Variants in DOCK2 observed in about 807,000 individuals in gnomAD.
DOCK2 encodes dedicator of cytokinesis 2, also known as dedicator of cytokinesis protein 2.
DOCK2 carries 87 observed loss-of-function variants against 248.9 expected under a neutral mutation model. The observed-to-expected ratio is 0.35, with a 90% CI of 0.29 to 0.42. The LOEUF is 0.42. Among genes scored for constraint, DOCK2 ranks in the 10% least tolerant of loss-of-function variants. The pLI, the probability that DOCK2 is intolerant of heterozygous loss-of-function variation, is 1.00. For missense variants in DOCK2, 1,747 were observed against 2,300.2 expected, an observed-to-expected ratio of 0.76 and a Z score of 4.92; for synonymous variants, 805 against 821.6, an observed-to-expected ratio of 0.98 and a Z score of 0.35.
At chr5:169,971,980 CA>C (rs1475412878) in intron 27 of DOCK2, among the ~76,000 whole-genome samples, 29 of 152,046 alleles carry the variant, frequency 1.9e-4, no homozygotes, top group African/African-American at 6.0e-4. Context: ...TTGCCCATGG[CA>C]GACATCACTA....
chr5:169,923,960 C>T (rs770142156), intron 27 of DOCK2, among the ~76,000 whole-genome samples: 36 of 152,164 alleles, frequency 2.4e-4, no homozygotes, highest in African/African-American at 5.8e-4. Flanking sequence ...AGAAACATTG[C>T]GGTTGGCAAA....
intron 27 of DOCK2, among the ~76,000 whole-genome samples, chr5:169,848,076 A>G (rs1019151130): frequency 6.6e-6 from 1 of 152,044 alleles, no homozygotes; most frequent in African/African-American, 2.4e-5. Flanking sequence ...AATTTAAGAT[A>G]CTCCATGATT....
intron 27 of DOCK2, chr5:169,883,629 C>T (rs1042332901): frequency 3.9e-6 from 6 of 1,551,454 alleles, no homozygotes; most frequent in Non-Finnish European, 5.2e-6. Flanking sequence ...TGCGAAAGCC[C>T]CCTGCCTTCT....
intron 26 of DOCK2, among the ~76,000 whole-genome samples, chr5:169,820,109 A>G (rs1768333812): frequency 6.6e-6 from 1 of 152,208 alleles, no homozygotes; most frequent in East Asian, 1.9e-4. Flanking sequence ...GAGTAGGTAA[A>G]CAAAGCAGCC....
intron 30 of DOCK2, among the ~76,000 whole-genome samples, chr5:170,002,344 G>A (rs747264196): frequency 2.1e-4 from 32 of 152,078 alleles, no homozygotes; most frequent in South Asian, 1.2e-3. Flanking sequence ...AGAGAATGAA[G>A]CAGATCTGTA....
intron 30 of DOCK2, among the ~76,000 whole-genome samples, chr5:169,999,510 A>T (rs866772290): frequency 2.6e-5 from 4 of 152,220 alleles, no homozygotes; most frequent in Non-Finnish European, 5.9e-5. Context: ...AGTCCTTGAT[A>T]AACAGGACAG....
intron 1 of DOCK2, among the ~76,000 whole-genome samples, chr5:169,646,146 G>A (rs945195866): frequency 6.6e-6 from 1 of 152,156 alleles, no homozygotes; most frequent in African/African-American, 2.4e-5. Flanking sequence ...TCCAGTTTCA[G>A]TTTTCCACAT....
At chr5:169,830,172 G>A (rs556571577) in intron 26 of DOCK2, among the ~76,000 whole-genome samples, 1 of 152,330 alleles carries the variant, frequency 6.6e-6, no homozygotes, top group African/African-American at 2.4e-5. Flanking sequence ...CTCTGGACAA[G>A]TTGCATAAAG....
rs115906125 is a variant in DOCK2 at position 169,905,905 on chromosome 5, C to A, written c.2799+65053C>A. Among the ~76,000 whole-genome samples, 612 of 152,312 alleles carry A rather than the reference C, an allele frequency of 4.0e-3. 3 individuals are homozygous for A. The highest frequency in any genetic ancestry group is 0.017 in the South Asian group (80 of 4,824). ...ATTCATTCACAGTCAAGCTGATTTC[C>A]TAAAAACAGCTGTCTTGAACCTGAC... On this transcript the variant is annotated intron_variant, in intron 27 of 51. Transcript: ENST00000520908.
Position 170,077,746 on chromosome 5 carries a change from T to A in DOCK2, c.4903T>A (p.Ser1635Thr). ...FDDRRVGRPR[S>T]MLRSYRQMSI... ...CGACAGGAGAGTGGGCCGTCCCAGG[T>A]CTATGCTGCGCTCATACAGACAGAT... The change falls in exon 48 of 52, where the codon TCT becomes ACT. Residue 1635 changes from serine (S) to threonine (T), a missense_variant. This residue lies in a region of DOCK2 where 513 missense variants were observed against 586.1 expected (regional missense o/e 0.88). Coordinates refer to ENST00000520908, the MANE Select transcript of DOCK2 (RefSeq NM_004946.3). The A allele has an allele frequency of 6.2e-7, 1 of 1,613,868 alleles. No individual in the cohort carries two copies. Among genetic ancestry groups the A allele is most frequent in the Non-Finnish European group, 8.5e-7 (1 of 1,179,948 alleles).
intron 27 of DOCK2, among the ~76,000 whole-genome samples, chr5:169,964,381 G>A (rs1187441115): frequency 2.0e-5 from 3 of 152,190 alleles, no homozygotes; most frequent in Non-Finnish European, 4.4e-5. Context: ...TCATTGGGAA[G>A]ACTGGCATCA....
At chr5:169,774,604 G>T (rs566701809) in intron 25 of DOCK2, among the ~76,000 whole-genome samples, 2 of 152,318 alleles carry the variant, frequency 1.3e-5, no homozygotes, top group Admixed American at 6.5e-5. Flanking sequence ...GAGAAGAAAA[G>T]ATTTACCCAA....
At chr5:169,736,083 C>A (rs1301557642) in intron 22 of DOCK2, among the ~76,000 whole-genome samples, 1 of 152,120 alleles carries the variant, frequency 6.6e-6, no homozygotes, top group Non-Finnish European at 1.5e-5. Flanking sequence ...GGAATCTGCC[C>A]CCATGATCCA....
chr5:170,057,061 G>T (rs1177226582), intron 43 of DOCK2: 3 of 409,004 alleles, frequency 7.3e-6, no homozygotes, highest in African/African-American at 6.1e-5. Flanking sequence ...CTAAGAAGGG[G>T]TGTTGATAAA....
chr5:169,661,392 C>G (rs999843709), intron 2 of DOCK2, among the ~76,000 whole-genome samples: 1 of 152,144 alleles, frequency 6.6e-6, no homozygotes, highest in Non-Finnish European at 1.5e-5. Flanking sequence ...AAGATAGTTA[C>G]GATAGTGAAA....
chr5:169,866,929 G>A (rs1308793297), intron 27 of DOCK2, among the ~76,000 whole-genome samples: 1 of 152,188 alleles, frequency 6.6e-6, no homozygotes, highest in Non-Finnish European at 1.5e-5. Context: ...CCCAGAGATA[G>A]CATCAGATTC....
In DOCK2 at chr5:169,695,894, C is replaced by A. The variant is rs758571784; in HGVS notation, c.935C>A (p.Ala312Glu). 2.5e-5 allele frequency: 40 copies of A among 1,613,686 alleles called. No individual in the cohort carries two copies. The highest frequency in any genetic ancestry group is 4.0e-5 in the African/African-American group (3 of 74,864). Residue 312 changes from alanine (A) to glutamate (E), a missense_variant, in exon 10 of 52, where the codon GCA (alanine) becomes GAA (glutamate). Ala to Glu is a moderately radical substitution (Grantham distance 107). Around this residue, in one of 4 missense-constraint regions of DOCK2, gnomAD observed 375 missense variants for 510.9 expected, o/e 0.73. Transcript: ENST00000520908. ...VGKMDLKDTG[A>E]KKCTQGLRRP... ...AAGATGGATCTTAAGGATACTGGTG[C>A]AAAGAAGTGCACGCAGGGACTGAGG... is the stretch of plus-strand genomic sequence containing the variant.
At chr5:169,664,393 C>T (rs540725753) in intron 2 of DOCK2, among the ~76,000 whole-genome samples, 1 of 152,348 alleles carries the variant, frequency 6.6e-6, no homozygotes, top group East Asian at 1.9e-4. Flanking sequence ...TTAAACTGTT[C>T]CAACCTCTGC....
chr5:169,650,443 A>C (rs1310252337), intron 1 of DOCK2, among the ~76,000 whole-genome samples: 3 of 152,186 alleles, frequency 2.0e-5, no homozygotes, highest in African/African-American at 7.2e-5. Context: ...TTATCTCCTA[A>C]AATTGCACAA....
Sources: allele counts gnomAD v4.1 joint callset (sites outside exome capture counted in the v4.1 genomes callset), GRCh38; gene constraint gnomAD v4.1.1; regional missense constraint gnomAD v4.1.1; transcripts MANE v1.5; gene names NCBI Gene and HGNC (gene_info 2026-07-23, HGNC 2026-07-21).